ARL15: variants seen among roughly 807,000 people sequenced by gnomAD.
The protein encoded by ARL15 is ADP-ribosylation factor-like protein 15.
A neutral mutation model predicts 25.2 loss-of-function variants in ARL15; 19 were observed. The ratio of observed to expected loss-of-function variants is 0.75; its 90% CI spans 0.53 to 1.10. ARL15 has a LOEUF of 1.10. Ranked by LOEUF, ARL15 falls within the 50% of genes least tolerant of loss-of-function variation. The pLI is 0.00. For missense variants in ARL15, 220 were observed against 246.0 expected (o/e 0.89, Z 0.71); for synonymous variants, 94 against 86.8 (o/e 1.08, Z -0.46).
chr5:54,269,582 A>G (rs923098681), intron 1 of ARL15, among the ~76,000 whole-genome samples: 2 of 152,232 alleles, frequency 1.3e-5, no homozygotes, highest in Non-Finnish European at 2.9e-5. Context: ...TCAGTAATAC[A>G]TCTCTTAATG....
intron 1 of ARL15, among the ~76,000 whole-genome samples, chr5:54,245,922 A>G (rs974978564): frequency 6.6e-6 from 1 of 152,152 alleles, no homozygotes; most frequent in Non-Finnish European, 1.5e-5. Context: ...TCATAATTCT[A>G]TGGTAAGCCC....
At chr5:53,979,829 TTGTGTGTGTGTGTGTGTGTGTGTG>T (rs70986653) in intron 4 of ARL15, among the ~76,000 whole-genome samples, 9 of 143,064 alleles carry the variant, frequency 6.3e-5, no homozygotes, top group Non-Finnish European at 7.7e-5. Flanking sequence ...TTAAAGTCTT[TTGTGTGTGTGTGTGTGTGTGTGTG>T]TGTGTGTGTG....
chr5:53,937,971 A>G (rs1746405990), intron 4 of ARL15, among the ~76,000 whole-genome samples: 1 of 152,158 alleles, frequency 6.6e-6, no homozygotes, highest in Admixed American at 6.5e-5. Context: ...ATTCATGTCA[A>G]CGTCATATCT....
intron 1 of ARL15, among the ~76,000 whole-genome samples, chr5:54,239,955 C>T (rs1256750272): frequency 6.6e-6 from 1 of 152,130 alleles, no homozygotes; most frequent in Non-Finnish European, 1.5e-5. Context: ...CGGCCGGGCG[C>T]GGTGGCTCAG....
At chr5:53,922,843 A>C (rs1344235314) in intron 4 of ARL15, among the ~76,000 whole-genome samples, 1 of 152,176 alleles carries the variant, frequency 6.6e-6, no homozygotes, top group Non-Finnish European at 1.5e-5. Context: ...AGAGAAAAAC[A>C]ATCTGAAAAC....
intron 1 of ARL15, among the ~76,000 whole-genome samples, chr5:54,179,413 G>A (rs950051996): frequency 5.3e-5 from 8 of 152,046 alleles, no homozygotes; most frequent in African/African-American, 1.7e-4. Context: ...GAAAAACACC[G>A]GGCAAAGGAA....
chr5:54,203,249 G>A (rs1427976869), intron 1 of ARL15, among the ~76,000 whole-genome samples: 2 of 151,982 alleles, frequency 1.3e-5, no homozygotes, highest in Non-Finnish European at 2.9e-5. Flanking sequence ...AATACCAACA[G>A]AAAATATAAT....
intron 4 of ARL15, among the ~76,000 whole-genome samples, chr5:54,112,528 A>G (rs1014511541): frequency 1.3e-5 from 2 of 152,204 alleles, no homozygotes; most frequent in Non-Finnish European, 2.9e-5. Context: ...TTACGTTATA[A>G]TTCACTATAA....
chr5:53,910,005 G>T (rs1205746506), intron 4 of ARL15, among the ~76,000 whole-genome samples: 1 of 152,088 alleles, frequency 6.6e-6, no homozygotes, highest in African/African-American at 2.4e-5. Flanking sequence ...AGCACTTTGG[G>T]GATTTAAATT....
intron 3 of ARL15, among the ~76,000 whole-genome samples, chr5:54,131,915 A>T (rs1753451325): frequency 1.3e-5 from 2 of 152,112 alleles, no homozygotes; most frequent in Non-Finnish European, 2.9e-5. Context: ...AAAAAAAAAA[A>T]AATTCTAGCC....
chr5:53,984,443 G>A (rs1036223320), intron 4 of ARL15, among the ~76,000 whole-genome samples: 2 of 151,784 alleles, frequency 1.3e-5, no homozygotes, highest in Non-Finnish European at 2.9e-5. Context: ...TTGACATTAT[G>A]TTCTGGAGAG....
At chr5:53,923,238 C>G (rs1440041454) in intron 4 of ARL15, among the ~76,000 whole-genome samples, 1 of 152,152 alleles carries the variant, frequency 6.6e-6, no homozygotes, top group African/African-American at 2.4e-5. Context: ...AACAAACAAT[C>G]ACCTCCCACA....
rs950489108 is a variant in ARL15 at position 53,994,127 on chromosome 5, T to G, written c.463-107414A>C. 2.5e-4 allele frequency among the ~76,000 whole-genome samples: 38 copies of G among 152,198 alleles called. 1 individual carries two copies. Among genetic ancestry groups the G allele is most frequent in the African/African-American group, 8.7e-4 (36 of 41,438 alleles). On this transcript the variant is annotated intron_variant, in intron 4 of 4. Transcript: ENST00000504924. ...CCACTTTGGGACCCTTGCTCTTTTC[T>G]TTAACAGATTGGTATTTTGTTACTT... is the stretch of plus-strand genomic sequence containing the variant.
intron 4 of ARL15, among the ~76,000 whole-genome samples, chr5:53,944,484 C>A (rs1210548405): frequency 6.6e-6 from 1 of 151,832 alleles, no homozygotes; most frequent in African/African-American, 2.4e-5. Flanking sequence ...TGGTGGCATG[C>A]GGGAGGCTGA....
intron 3 of ARL15, among the ~76,000 whole-genome samples, chr5:54,133,069 C>A (rs1427685831): frequency 1.3e-5 from 2 of 152,060 alleles, no homozygotes. Flanking sequence ...GTATCAAGAG[C>A]CTTACGATGT....
chr5:54,252,691 G>A (rs1282391901), intron 1 of ARL15, among the ~76,000 whole-genome samples: 1 of 152,036 alleles, frequency 6.6e-6, no homozygotes, highest in African/African-American at 2.4e-5. Flanking sequence ...TGCCTTAGGG[G>A]GTGCTCCAGA....
intron 1 of ARL15, among the ~76,000 whole-genome samples, chr5:54,243,157 G>T (rs1041467699): frequency 3.3e-5 from 5 of 152,162 alleles, no homozygotes; most frequent in African/African-American, 1.2e-4. Context: ...AAAAGGAGGT[G>T]GCAGGCCATT....
chr5:53,892,432 T>C (rs1744745411), intron 4 of ARL15, among the ~76,000 whole-genome samples: 1 of 152,182 alleles, frequency 6.6e-6, no homozygotes, highest in African/African-American at 2.4e-5. Context: ...TGGAAGATGA[T>C]GCAAGAGAAT....
chr5:53,901,526 C>T (rs969295591), intron 4 of ARL15, among the ~76,000 whole-genome samples: 2 of 152,058 alleles, frequency 1.3e-5, no homozygotes, highest in African/African-American at 4.8e-5. Context: ...CTATCAGTAT[C>T]TTATAAAATG....
Sources: allele counts gnomAD v4.1 joint callset (sites outside exome capture counted in the v4.1 genomes callset), GRCh38; gene constraint gnomAD v4.1.1; transcripts MANE v1.5; gene names NCBI Gene and HGNC (gene_info 2026-07-23, HGNC 2026-07-21).